ANKRD31: variants seen among roughly 807,000 people sequenced by gnomAD.
ANKRD31 encodes the protein ankyrin repeat domain-containing protein 31.
Under a neutral mutation model 186.0 loss-of-function variants are expected in ANKRD31, and 147 were observed. The observed-to-expected ratio is 0.79, with a 90% CI of 0.69 to 0.91. The LOEUF (loss-of-function observed/expected upper bound fraction) is 0.91, where lower values mean the gene tolerates loss of function less well. ANKRD31 is among the 40% of genes least tolerant of loss of function. The pLI, the probability that ANKRD31 is intolerant of heterozygous loss-of-function variation, is 0.00. For synonymous variants in ANKRD31, 673 were observed against 736.4 expected (o/e 0.91, Z 1.39); for missense variants, 1,986 against 2,148.8 (o/e 0.92, Z 1.50).
Position 75,134,586 on chromosome 5 carries a change from C to T in ANKRD31, c.3876+3270G>A, listed in dbSNP as rs539403369. 4.5e-4 allele frequency among the ~76,000 whole-genome samples: 68 copies of T among 152,192 alleles called. No individual in the cohort carries two copies. In the South Asian group the frequency reaches 6.4e-3, roughly 14 times the overall value. The stretch of plus-strand genomic sequence containing the variant: ...TCACAGCTAAATTCTACCAGAGGTA[C>T]GAAGAGGAGCTGGTACCATTCCTTC... On this transcript the variant is annotated intron_variant, in intron 17 of 25. Transcript: ENST00000506364.
At chr5:75,206,581 G>A in intron 4 of ANKRD31, 94 bp from the exon 5 acceptor site, 1 of 589,728 alleles carries the variant, frequency 1.7e-6, no homozygotes. Context: ...TTCACTTAAA[G>A]GGCTTTCCAA....
At chr5:75,138,405 A>T (rs900357453) in intron 16 of ANKRD31, among the ~76,000 whole-genome samples, 1 of 152,192 alleles carries the variant, frequency 6.6e-6, no homozygotes, top group Non-Finnish European at 1.5e-5. Flanking sequence ...AATTCTTCAG[A>T]GAAGATTCTT....
intron 24 of ANKRD31, among the ~76,000 whole-genome samples, chr5:75,081,752 C>T (rs1044890217): frequency 6.7e-6 from 1 of 149,904 alleles, no homozygotes; most frequent in Non-Finnish European, 1.5e-5. Context: ...GATGGAGCAA[C>T]GGGGGCGGAG....
At chr5:75,130,669 A>G (rs1047485814) in intron 17 of ANKRD31, among the ~76,000 whole-genome samples, 3 of 152,058 alleles carry the variant, frequency 2.0e-5, no homozygotes, top group African/African-American at 4.8e-5. Flanking sequence ...TGCATTTACA[A>G]ACCTTTAGCT....
intron 10 of ANKRD31, among the ~76,000 whole-genome samples, chr5:75,170,793 C>A (rs1214186941): frequency 6.6e-6 from 1 of 151,852 alleles, no homozygotes; most frequent in African/African-American, 2.4e-5. Flanking sequence ...AAAAACATAT[C>A]GTAAATAAGC....
intron 3 of ANKRD31, among the ~76,000 whole-genome samples, chr5:75,217,162 A>G (rs2216638): frequency 0.51 from 77,229 of 152,034 alleles, 22,673 homozygotes; most frequent in African/African-American, 0.82. Context: ...AAATTTTAGA[A>G]TATGTGCCAT....
At chr5:75,142,300 C>G (rs190677376) in intron 15 of ANKRD31, among the ~76,000 whole-genome samples, 3 of 152,214 alleles carry the variant, frequency 2.0e-5, no homozygotes, top group Admixed American at 2.0e-4. Context: ...ACTCGCTATT[C>G]TCCCTGGATT....
intron 22 of ANKRD31, among the ~76,000 whole-genome samples, chr5:75,101,936 A>G (rs1157042209): frequency 6.6e-6 from 1 of 152,222 alleles, no homozygotes; most frequent in African/African-American, 2.4e-5. Context: ...TCAACTTGTC[A>G]AAGTCATTTT....
chr5:75,091,145 T>A, intron 23 of ANKRD31, 116 bp downstream of exon 23: 1 of 1,184,798 alleles, frequency 8.4e-7, no homozygotes, highest in Non-Finnish European at 1.2e-6. Context: ...AATGAACACA[T>A]GAATACAAAA....
At chr5:75,129,163 C>A (rs951091098) in intron 17 of ANKRD31, among the ~76,000 whole-genome samples, 2 of 152,124 alleles carry the variant, frequency 1.3e-5, no homozygotes. Flanking sequence ...AGCATCACCC[C>A]CTTCCCTCTC....
intron 24 of ANKRD31, among the ~76,000 whole-genome samples, chr5:75,083,431 A>G (rs1201227623): frequency 1.3e-5 from 2 of 152,174 alleles, no homozygotes; most frequent in Non-Finnish European, 2.9e-5. Flanking sequence ...ATAGCTAAAA[A>G]GGGGAAAGCA....
chr5:75,136,935 G>A (rs1316960925), intron 17 of ANKRD31, among the ~76,000 whole-genome samples: 1 of 151,776 alleles, frequency 6.6e-6, no homozygotes, highest in African/African-American at 2.4e-5. Flanking sequence ...AACACCACAT[G>A]TTCTCACTCT....
At position 75,195,747 on chromosome 5, in the gene ANKRD31, CCTTGG is replaced by C. The variant is rs1295940225; in HGVS notation, c.896_900del (p.Ala299GlyfsTer12). The stretch of plus-strand genomic sequence containing the variant: ...TCTTTTCTGTGACAGATGGTTTCCA[CCTTGG>C]CTTCTGACAATGTGTTCAGGGCTTC... On this transcript the variant is annotated frameshift_variant, in exon 7 of 26. Coordinates refer to ENST00000506364, the MANE Select transcript of ANKRD31 (RefSeq NM_001372053.1). LOFTEE classifies it high-confidence loss of function. 8 of 1,537,442 alleles carry C rather than the reference CCTTGG, an allele frequency of 5.2e-6. No homozygotes were observed. In the African/African-American group the frequency reaches 1.1e-4, roughly 21 times the overall value.
At chr5:75,103,083 A>G (rs945597110) in intron 22 of ANKRD31, among the ~76,000 whole-genome samples, 2 of 152,050 alleles carry the variant, frequency 1.3e-5, no homozygotes, top group Admixed American at 6.5e-5. Flanking sequence ...ATCCATCTTG[A>G]GTTAATTTTT....
At chr5:75,098,214 C>T (rs970456140) in intron 22 of ANKRD31, among the ~76,000 whole-genome samples, 4 of 152,122 alleles carry the variant, frequency 2.6e-5, no homozygotes, top group Non-Finnish European at 4.4e-5. Context: ...AGGATGGTCT[C>T]GATCTCTTGA....
intron 24 of ANKRD31, among the ~76,000 whole-genome samples, chr5:75,081,655 TG>T (rs1306465736): frequency 1.3e-5 from 2 of 151,098 alleles, no homozygotes; most frequent in African/African-American, 4.9e-5. Flanking sequence ...CCTTCAAGTG[TG>T]TGTTTGGGGT....
intron 22 of ANKRD31, among the ~76,000 whole-genome samples, chr5:75,096,477 T>G (rs1222633984): frequency 6.6e-6 from 1 of 152,182 alleles, no homozygotes; most frequent in African/African-American, 2.4e-5. Flanking sequence ...TTCGCTCTAA[T>G]GATAGTTTCT....
At chr5:75,143,448 A>C (rs745580603) in intron 15 of ANKRD31, among the ~76,000 whole-genome samples, 1 of 152,146 alleles carries the variant, frequency 6.6e-6, no homozygotes, top group African/African-American at 2.4e-5. Context: ...ATTCATAGAG[A>C]ATGCCTAATT....
intron 23 of ANKRD31, among the ~76,000 whole-genome samples, chr5:75,085,359 CCTTTT>C (rs911522043): frequency 1.3e-5 from 2 of 151,802 alleles, no homozygotes; most frequent in Non-Finnish European, 1.5e-5. Flanking sequence ...AGTCCCGGCT[CCTTTT>C]CTTTTCTTTT....
Sources: allele counts gnomAD v4.1 joint callset (sites outside exome capture counted in the v4.1 genomes callset), GRCh38; gene constraint gnomAD v4.1.1; transcripts MANE v1.5; gene names NCBI Gene and HGNC (gene_info 2026-07-23, HGNC 2026-07-21).